Variants in LINGO1 observed in about 807,000 individuals in gnomAD.
The protein encoded by LINGO1 is leucine rich repeat and Ig domain containing 1.
Under a neutral mutation model 37.3 loss-of-function variants are expected in LINGO1, and 11 were observed. That is an observed-to-expected ratio of 0.29 (90% CI 0.19 to 0.49). The LOEUF (loss-of-function observed/expected upper bound fraction) is 0.49, where lower values mean the gene tolerates loss of function less well. Among genes scored for constraint, LINGO1 ranks in the 20% least tolerant of loss-of-function variants. The probability of loss-of-function intolerance (pLI) is 0.99; values close to 1 mark genes in which losing one functional copy is unlikely to be tolerated. For synonymous variants in LINGO1, 387 were observed against 403.0 expected, an observed-to-expected ratio of 0.96 and a Z score of 0.48; for missense variants, 585 against 878.2, an observed-to-expected ratio of 0.67 and a Z score of 4.22.
intron 2 of LINGO1, among the ~76,000 whole-genome samples, chr15:77,682,493 T>G (rs904880194): frequency 6.6e-6 from 1 of 152,066 alleles, no homozygotes; most frequent in African/African-American, 2.4e-5. Context: ...TGCACCTGCA[T>G]GCATTTCGCT....
At chr15:77,634,728 C>T (rs1013494877), upstream of LINGO1, among the ~76,000 whole-genome samples, 1 of 152,132 alleles carries the variant, frequency 6.6e-6, no homozygotes, top group Non-Finnish European at 1.5e-5. Flanking sequence ...CCCTCAACTC[C>T]GCGCTGCCTG....
intron 1 of LINGO1, among the ~76,000 whole-genome samples, chr15:77,799,391 C>A (rs2076899020): frequency 6.6e-6 from 1 of 152,106 alleles, no homozygotes; most frequent in African/African-American, 2.4e-5. Flanking sequence ...TCTGAGTTTC[C>A]CCAACTTTTC....
At chr15:77,766,712 T>C (rs1286458508) in intron 1 of LINGO1, among the ~76,000 whole-genome samples, 1 of 152,218 alleles carries the variant, frequency 6.6e-6, no homozygotes, top group Non-Finnish European at 1.5e-5. Flanking sequence ...GCCATGATTG[T>C]AGTTTCCTGA....
upstream of LINGO1, among the ~76,000 whole-genome samples, chr15:77,634,767 C>T (rs948755822): frequency 6.6e-6 from 1 of 152,072 alleles, no homozygotes; most frequent in Admixed American, 6.5e-5. Context: ...CCAGCCCCCC[C>T]ACCCCGGCTG....
chr15:77,816,093 C>T (rs1331175036), intron 1 of LINGO1, among the ~76,000 whole-genome samples: 4 of 152,236 alleles, frequency 2.6e-5, no homozygotes, highest in Non-Finnish European at 2.9e-5. Context: ...CAGGTCAAGG[C>T]CCCGCCAGTC....
intron 2 of LINGO1, among the ~76,000 whole-genome samples, chr15:77,689,956 T>G (rs897554252): frequency 3.9e-5 from 6 of 152,372 alleles, no homozygotes; most frequent in African/African-American, 1.2e-4. Flanking sequence ...CAGGGAGTTC[T>G]CTCAGCATCG....
intron 2 of LINGO1, among the ~76,000 whole-genome samples, chr15:77,795,048 G>A (rs982910331): frequency 3.3e-5 from 5 of 152,138 alleles, no homozygotes; most frequent in Admixed American, 3.3e-4. Flanking sequence ...TCTGAAAAAT[G>A]AGGACAATAC....
chr15:77,812,437 G>A (rs1231924429), intron 1 of LINGO1, among the ~76,000 whole-genome samples: 1 of 152,242 alleles, frequency 6.6e-6, no homozygotes, highest in Non-Finnish European at 1.5e-5. Context: ...CTGAGGCCCA[G>A]GGCCAGAAGA....
At chr15:77,713,500 G>A (rs926231354) in intron 2 of LINGO1, among the ~76,000 whole-genome samples, 13 of 152,078 alleles carry the variant, frequency 8.5e-5, no homozygotes, top group Admixed American at 2.0e-4. Flanking sequence ...AGCGGGAGGC[G>A]TGGGAGCAGG....
At chr15:77,623,822 C>T (rs577271919) in intron 1 of LINGO1, among the ~76,000 whole-genome samples, 1 of 151,904 alleles carries the variant, frequency 6.6e-6, no homozygotes, top group South Asian at 2.1e-4. Flanking sequence ...GTTGGGCCCC[C>T]GGGGTGTCTG....
At chr15:77,624,885 C>A (rs371122139) in intron 1 of LINGO1, among the ~76,000 whole-genome samples, 1 of 152,162 alleles carries the variant, frequency 6.6e-6, no homozygotes, top group African/African-American at 2.4e-5. Flanking sequence ...CAGTCCTGCA[C>A]CCCAGTATCT....
intron 3 of LINGO1, among the ~76,000 whole-genome samples, chr15:77,675,395 G>A (rs191811779): frequency 8.5e-5 from 13 of 152,286 alleles, no homozygotes; most frequent in Non-Finnish European, 1.8e-4. Flanking sequence ...CTGCCAACAG[G>A]ATTAATAATT....
At chr15:77,819,147 C>T (rs2077074276) in intron 1 of LINGO1, 1 of 150,300 alleles carries the variant, frequency 6.7e-6, no homozygotes, top group Non-Finnish European at 1.5e-5. Flanking sequence ...GCCGCTGCCC[C>T]CGAGGCTCCC....
chr15:77,789,360 G>A (rs938102211), upstream of LINGO1, among the ~76,000 whole-genome samples: 1 of 152,194 alleles, frequency 6.6e-6, no homozygotes, highest in Admixed American at 6.5e-5. Context: ...TACTGGCTGG[G>A]TGCAGTGGCC....
At chr15:77,760,192 C>T (rs2076461269) in intron 1 of LINGO1, among the ~76,000 whole-genome samples, 1 of 152,220 alleles carries the variant, frequency 6.6e-6, no homozygotes, top group Admixed American at 6.5e-5. Context: ...AGCAGGGTGC[C>T]TGCCGGGGTT....
At chr15:77,786,118 C>T (rs564079741) in intron 1 of LINGO1, among the ~76,000 whole-genome samples, 4 of 152,124 alleles carry the variant, frequency 2.6e-5, no homozygotes, top group African/African-American at 4.8e-5. Context: ...GGAACCAGCA[C>T]CACCAAACAG....
chr15:77,812,885 A>G (rs898129097), intron 1 of LINGO1, among the ~76,000 whole-genome samples: 3 of 152,256 alleles, frequency 2.0e-5, no homozygotes, highest in African/African-American at 4.8e-5. Context: ...AAAGCAACCC[A>G]TAACTCGGGA....
chr15:77,689,654 C>T (rs966848556), intron 2 of LINGO1, among the ~76,000 whole-genome samples: 3 of 152,176 alleles, frequency 2.0e-5, no homozygotes, highest in Non-Finnish European at 4.4e-5. Flanking sequence ...GTTCCCTGGA[C>T]CAGCCCAAGG....
chr15:77,779,561 G>A (rs891004286), intron 1 of LINGO1, among the ~76,000 whole-genome samples: 3 of 152,002 alleles, frequency 2.0e-5, no homozygotes, highest in Non-Finnish European at 4.4e-5. Context: ...CCTAAGGAGA[G>A]TGCTACCTAG....
Sources: allele counts gnomAD v4.1 joint callset (sites outside exome capture counted in the v4.1 genomes callset), GRCh38; gene constraint gnomAD v4.1.1; transcripts MANE v1.5; gene names NCBI Gene and HGNC (gene_info 2026-07-23, HGNC 2026-07-21).